Variants in CPNE9 observed in about 807,000 individuals in gnomAD.
CPNE9 encodes copine family member 9, also known as copine-9.
Under a neutral mutation model 83.0 loss-of-function variants are expected in CPNE9, and 59 were observed. The observed-to-expected ratio is 0.71, with a 90% CI of 0.58 to 0.88. The LOEUF is 0.88. CPNE9 is among the 40% of genes least tolerant of loss of function. CPNE9 has a pLI of 0.00. For missense variants in CPNE9, 619 were observed against 720.8 expected (o/e 0.86, Z 1.62); for synonymous variants, 256 against 273.4 (o/e 0.94, Z 0.63).
chr3:9,729,680 A>G lies in CPNE9; in HGVS notation c.1650A>G (p.Pro550=), dbSNP rs752287312. The G allele has an allele frequency of 1.2e-6, 2 of 1,613,294 alleles. No homozygotes were observed. Among genetic ancestry groups the G allele is most frequent in the Non-Finnish European group, 1.7e-6 (2 of 1,179,532 alleles). ...PPANPSPIPA[P]EQP ...CCAACCCCAGCCCGATCCCAGCTCC[A>G]GAGCAGCCCTGAGGATTCCACATAT... The change falls in exon 21 of 21, where the codon CCA becomes CCG. Residue 550 remains proline, a synonymous_variant. Coordinates refer to ENST00000383832, the MANE Select transcript of CPNE9 (RefSeq NM_153635.3).
intron 4 of CPNE9, 150 bp downstream of exon 4, chr3:9,705,144 G>T: frequency 1.5e-6 from 1 of 678,820 alleles, no homozygotes; most frequent in Non-Finnish European, 2.6e-6. Context: ...CCTGAGCCCT[G>T]CCCTTTTATG....
chr3:9,721,739 G>A (rs976219817), intron 17 of CPNE9, among the ~76,000 whole-genome samples: 1 of 152,136 alleles, frequency 6.6e-6, no homozygotes, highest in Admixed American at 6.5e-5. Flanking sequence ...TGCGCACTGT[G>A]TACAGAGGAC....
Position 9,729,575 on chromosome 3 carries a change from G to A in CPNE9, c.1545G>A (p.Lys515=). 1 of 1,614,136 alleles carries A rather than the reference G, an allele frequency of 6.2e-7. No homozygotes were observed. Among genetic ancestry groups the A allele is most frequent in the Non-Finnish European group, 8.5e-7 (1 of 1,180,014 alleles). The part of the protein sequence containing the change: ...NQVLSMARLA[K]DVLAEIPEQL... ...TGTTGAGCATGGCCCGACTGGCCAA[G>A]GATGTGCTGGCCGAGATCCCGGAGC... Residue 515 remains lysine (K), a synonymous_variant, in exon 21 of 21, where the codon AAG becomes AAA. Coordinates refer to ENST00000383832, the MANE Select transcript of CPNE9 (RefSeq NM_153635.3).
rs2076534671 is a variant in CPNE9 at position 9,704,178 on chromosome 3, G to GA, written c.68+118dup. 21 of 977,940 alleles carry GA rather than the reference G, an allele frequency of 2.1e-5. 1 individual carries two copies. In the South Asian group the frequency reaches 3.2e-4, roughly 15 times the overall value. The allele number at this position is 977,940 out of a possible 1,614,324, so 60.6% of individuals were successfully genotyped here. A position where few individuals can be genotyped will look rare whatever the true frequency, so the allele number is the denominator to read the frequency against. ...CCCCGGGGAGAGGCGAAATTGGCTGGAAAATCACAGCTGATGACAGGGCGA... is the reference window on the plus strand; with the variant it reads ...CCCCGGGGAGAGGCGAAATTGGCTGGAAAAATCACAGCTGATGACAGGGCGA... On this transcript the variant is annotated intron_variant, in intron 1 of 20. Coordinates refer to ENST00000383832, the MANE Select transcript of CPNE9 (RefSeq NM_153635.3). This position sits in a 1 kb window ranked among gnomAD's most constrained non-coding sequence, Gnocchi z 7.1.
At chr3:9,705,941 C>T in intron 6 of CPNE9, 46 bp from the exon 7 acceptor site, 1 of 1,593,908 alleles carries the variant, frequency 6.3e-7, no homozygotes, top group Non-Finnish European at 8.6e-7. Context: ...GGCTGGGACT[C>T]AGCACTCAAG....
intron 7 of CPNE9, among the ~76,000 whole-genome samples, chr3:9,710,798 G>A (rs2076619325): frequency 6.6e-6 from 1 of 152,204 alleles, no homozygotes; most frequent in African/African-American, 2.4e-5. Flanking sequence ...GCTGAGGCAG[G>A]AGGATCTCTT....
intron 17 of CPNE9, among the ~76,000 whole-genome samples, chr3:9,721,310 C>T (rs1446321100): frequency 6.6e-6 from 1 of 152,234 alleles, no homozygotes; most frequent in Non-Finnish European, 1.5e-5. Flanking sequence ...GGGGGCATAG[C>T]TGAAAGCAGT....
At chr3:9,727,226 C>T (rs765244384) in intron 20 of CPNE9, 40 bp downstream of exon 20, 2 of 1,608,362 alleles carry the variant, frequency 1.2e-6, no homozygotes, top group Admixed American at 1.7e-5. Flanking sequence ...CTGAGAGGCA[C>T]AGTGAGAAGA....
chr3:9,715,250 A>G (rs2076670462), intron 11 of CPNE9, 39 bp from the exon 12 acceptor site: 3 of 1,604,916 alleles, frequency 1.9e-6, no homozygotes, highest in Non-Finnish European at 2.6e-6. Flanking sequence ...GTTCCAAACC[A>G]GCAGCACCTG....
intron 20 of CPNE9, among the ~76,000 whole-genome samples, chr3:9,728,033 T>C (rs183504650): frequency 6.6e-6 from 1 of 152,072 alleles, no homozygotes; most frequent in Admixed American, 6.5e-5. Flanking sequence ...AGCAACTGGG[T>C]GAGTGACATC....
rs768462989 is a variant in CPNE9, at chr3:9,727,208, C to A, written c.1476+22C>A. On this transcript the variant is annotated intron_variant, in intron 20 of 20. Transcript: ENST00000383832. ...TCAGGTAGACCTGACGTGGGAGAGGCTGTGGAGCTGAGAGGCACAGTGAGA... is the reference window on the plus strand; with the variant it reads ...TCAGGTAGACCTGACGTGGGAGAGGATGTGGAGCTGAGAGGCACAGTGAGA... 2.5e-6 allele frequency: 4 copies of A among 1,613,836 alleles called. No homozygotes were observed. The South Asian group carries it at 4.4e-5, about 18-fold the overall frequency.
intron 15 of CPNE9, 62 bp from the exon 16 acceptor site, chr3:9,717,967 A>AAGCAGG: frequency 7.1e-7 from 1 of 1,412,856 alleles, no homozygotes; most frequent in Non-Finnish European, 9.7e-7. Context: ...ACACAAAGAT[A>AAGCAGG]AGCAGGTGAA....
chr3:9,717,182 T>C, intron 15 of CPNE9, 78 bp downstream of exon 15: 1 of 1,476,330 alleles, frequency 6.8e-7, no homozygotes, highest in Non-Finnish European at 9.4e-7. Context: ...CCTGGATTCC[T>C]ACCTAGAGAT....
chr3:9,719,533 G>C (rs920037792), intron 17 of CPNE9, among the ~76,000 whole-genome samples: 6 of 152,182 alleles, frequency 3.9e-5, no homozygotes, highest in Non-Finnish European at 7.3e-5. Context: ...TCCCTGTAAG[G>C]TGGTGTCATA....
Position 9,716,745 on chromosome 3 carries a change from C to T in CPNE9, c.885-313C>T, listed in dbSNP as rs114324441. 8.9e-3 allele frequency among the ~76,000 whole-genome samples: 1,361 copies of T among 152,370 alleles called. 26 individuals carry two copies. The highest frequency in any genetic ancestry group is 0.031 in the African/African-American group (1,270 of 41,592). ...CCTCAGCCTCCCAAAGTGCTGATTACAGGCGTGAGCCACGGCGCCCAGCCA... is the reference window on the plus strand; with the variant it reads ...CCTCAGCCTCCCAAAGTGCTGATTATAGGCGTGAGCCACGGCGCCCAGCCA... On this transcript the variant is annotated intron_variant, in intron 14 of 20. Coordinates refer to ENST00000383832, the MANE Select transcript of CPNE9 (RefSeq NM_153635.3).
intron 17 of CPNE9, 43 bp downstream of exon 17, chr3:9,718,645 C>T (rs1289815970): frequency 6.3e-7 from 1 of 1,598,352 alleles, no homozygotes; most frequent in Non-Finnish European, 8.6e-7. Context: ...AGGGGACCCA[C>T]ATAAGGGATT....
intron 10 of CPNE9, among the ~76,000 whole-genome samples, chr3:9,714,068 G>A (rs531781904): frequency 1.2e-4 from 15 of 122,868 alleles, no homozygotes; most frequent in South Asian, 1.1e-3. Context: ...GCAAGACTCC[G>A]TCTCAATAAA....
At chr3:9,708,163 G>A (rs918906399) in intron 7 of CPNE9, among the ~76,000 whole-genome samples, 1 of 152,138 alleles carries the variant, frequency 6.6e-6, no homozygotes, top group Non-Finnish European at 1.5e-5. Flanking sequence ...TGTTTTTCAG[G>A]CTGGTCTTGA....
At chr3:9,705,415 C>T (rs1434101139) in intron 4 of CPNE9, 49 bp from the exon 5 acceptor site, 7 of 819,910 alleles carry the variant, frequency 8.5e-6, no homozygotes, top group Non-Finnish European at 1.4e-5. Flanking sequence ...CCCTTTCCAC[C>T]CTCTCCCCCA....
Sources: allele counts gnomAD v4.1 joint callset (sites outside exome capture counted in the v4.1 genomes callset), GRCh38; gene constraint gnomAD v4.1.1; non-coding constraint Gnocchi (gnomAD v3.1); transcripts MANE v1.5; gene names NCBI Gene and HGNC (gene_info 2026-07-23, HGNC 2026-07-21).